The following CCDC7 variants were observed in gnomAD, a reference collection of about 807,000 sequenced individuals.
CCDC7 encodes the protein coiled-coil domain containing 7.
CCDC7 carries 183 observed loss-of-function variants against 196.9 expected under a neutral mutation model. The observed-to-expected ratio is 0.93, with a 90% CI of 0.82 to 1.05. The LOEUF (loss-of-function observed/expected upper bound fraction) is 1.05, where lower values mean the gene tolerates loss of function less well. Ranked by LOEUF, CCDC7 falls within the 50% of genes least tolerant of loss-of-function variation. The probability of loss-of-function intolerance (pLI) is 0.00; values close to 1 mark genes in which losing one functional copy is unlikely to be tolerated. For missense variants in CCDC7, 1,540 were observed against 1,482.2 expected (o/e 1.04, Z -0.64); for synonymous variants, 525 against 484.6 (o/e 1.08, Z -1.10).
chr10:32,553,689 C>G (rs1005915715), intron 13 of CCDC7, among the ~76,000 whole-genome samples: 1 of 152,172 alleles, frequency 6.6e-6, no homozygotes, highest in South Asian at 2.1e-4. Context: ...TGTCTCTCTT[C>G]TGGGTCTAGC....
At position 32,710,311 on chromosome 10, in the gene CCDC7, C is replaced by A. The variant is rs566852648; in HGVS notation, c.2459-1309C>A. 4.6e-5 allele frequency among the ~76,000 whole-genome samples: 7 copies of A among 152,300 alleles called. No homozygotes were observed. The South Asian group carries it at 1.5e-3, about 32-fold the overall frequency. ...CATGAGTCTCAATCCCTTGCTGGGT[C>A]ATAAGCTGTCTGTCATTGCCTGGTA... On this transcript the variant is annotated intron_variant, in intron 24 of 41. Coordinates refer to ENST00000639629, the Ensembl canonical transcript of CCDC7.
chr10:32,635,000 A>C, intron 19 of CCDC7, 57 bp from the exon 21 acceptor site: 3 of 397,664 alleles, frequency 7.5e-6, no homozygotes, highest in Non-Finnish European at 1.3e-5. Context: ...GAGAGGAAGT[A>C]TTGCTGATTA....
chr10:32,456,423 T>A, intron 3 of CCDC7, 89 bp downstream of exon 4: 1 of 1,030,336 alleles, frequency 9.7e-7, no homozygotes, highest in Non-Finnish European at 1.3e-6. Flanking sequence ...CAGCCAACAT[T>A]AATCTAGATT....
chr10:32,647,023 A>C (rs2140056729), intron 20 of CCDC7, among the ~76,000 whole-genome samples: 1 of 152,332 alleles, frequency 6.6e-6, no homozygotes, highest in Middle Eastern at 3.4e-3. Flanking sequence ...TGCTATTGTG[A>C]ATAGTACAGT....
intron 18 of CCDC7, chr10:32,623,570 T>C (rs1350945836): frequency 1.8e-5 from 6 of 341,220 alleles, no homozygotes; most frequent in Non-Finnish European, 3.5e-5. Context: ...TTCTACAACC[T>C]GCTTCTCCCT....
chr10:32,446,169 G>T (rs756431488), exon 1 of CCDC7: 3 of 152,156 alleles, frequency 2.0e-5, no homozygotes, highest in Non-Finnish European at 4.4e-5. Flanking sequence ...GGCGGCGGGT[G>T]CCCGGCGGTC....
intron 13 of CCDC7, among the ~76,000 whole-genome samples, chr10:32,562,890 T>C (rs2056011461): frequency 6.6e-6 from 1 of 152,272 alleles, no homozygotes; most frequent in African/African-American, 2.4e-5. Context: ...GATTGTCATC[T>C]GGGCTAGAAA....
intron 41 of CCDC7, among the ~76,000 whole-genome samples, chr10:32,863,526 A>G (rs908372173): frequency 6.6e-6 from 1 of 151,872 alleles, no homozygotes; most frequent in Non-Finnish European, 1.5e-5. Flanking sequence ...CTATTTTTTT[A>G]ATTTTTTGTA....
intron 18 of CCDC7, among the ~76,000 whole-genome samples, chr10:32,597,391 C>G (rs1176396342): frequency 6.6e-6 from 1 of 152,180 alleles, no homozygotes; most frequent in Non-Finnish European, 1.5e-5. Context: ...AAGGACTTCT[C>G]TACACTGTTT....
chr10:32,661,144 A>T (rs1470009523), intron 20 of CCDC7, among the ~76,000 whole-genome samples: 2 of 151,674 alleles, frequency 1.3e-5, no homozygotes, highest in African/African-American at 4.8e-5. Context: ...AAACAACCCC[A>T]TCAAAAAGTG....
At chr10:32,741,111 T>C (rs2085764907) in intron 28 of CCDC7, among the ~76,000 whole-genome samples, 3 of 152,124 alleles carry the variant, frequency 2.0e-5, no homozygotes, top group African/African-American at 7.2e-5. Context: ...ATGAGAGAGA[T>C]ACTGCTTAAT....
intron 32 of CCDC7, among the ~76,000 whole-genome samples, chr10:32,833,608 A>C (rs1038624208): frequency 1.2e-4 from 18 of 152,168 alleles, no homozygotes; most frequent in Non-Finnish European, 4.4e-5. Flanking sequence ...AAATAACTAA[A>C]GAGGTTAAAA....
intron 20 of CCDC7, 42 bp from the exon 22 acceptor site, chr10:32,664,012 T>C (rs1361590555): frequency 5.1e-6 from 2 of 393,518 alleles, no homozygotes; most frequent in Non-Finnish European, 9.0e-6. Context: ...GAAATTTCAC[T>C]ATAGTTTATG....
In CCDC7 at chr10:32,767,203, A is replaced by C. The variant is rs147470817; in HGVS notation, c.2906-11774A>C. ...ATTGGTGATCAAGTGTCAACATGAG[A>C]TTTGGAGGGGACACATATGCACACC... is the stretch of plus-strand genomic sequence containing the variant. On this transcript the variant is annotated intron_variant, in intron 28 of 41. Transcript: ENST00000639629. 5.9e-5 allele frequency among the ~76,000 whole-genome samples: 9 copies of C among 152,140 alleles called. No homozygotes were observed. The East Asian group carries it at 1.7e-3, about 29-fold the overall frequency.
chr10:32,699,516 G>A (rs1409293777), intron 24 of CCDC7, among the ~76,000 whole-genome samples: 1 of 148,976 alleles, frequency 6.7e-6, no homozygotes, highest in South Asian at 2.1e-4. Flanking sequence ...ATAAACATAC[G>A]TGTGCATGTG....
chr10:32,477,684 A>G (rs73251536), intron 8 of CCDC7, among the ~76,000 whole-genome samples: 7,861 of 150,596 alleles, frequency 0.052, 670 homozygotes, highest in African/African-American at 0.18. Context: ...CTGTTTTTGG[A>G]CTCTTTATTC....
intron 18 of CCDC7, among the ~76,000 whole-genome samples, chr10:32,587,400 G>A (rs555313531): frequency 9.8e-5 from 15 of 152,306 alleles, no homozygotes; most frequent in Non-Finnish European, 1.9e-4. Context: ...GCATGAGAGA[G>A]CAACAGAGAG....
Position 32,702,005 on chromosome 10 carries a change from G to A in CCDC7, c.2458+7013G>A, listed in dbSNP as rs1291432844. Reference sequence around the variant, plus strand: ...TCATTGATTTTTTTGAGGGTTTTTTGTGTCTCTATTTCCTTCAGTTTTGCT... The same window carrying A: ...TCATTGATTTTTTTGAGGGTTTTTTATGTCTCTATTTCCTTCAGTTTTGCT... On this transcript the variant is annotated intron_variant, in intron 24 of 41. Coordinates refer to ENST00000639629, the Ensembl canonical transcript of CCDC7. 2.6e-5 allele frequency among the ~76,000 whole-genome samples: 4 copies of A among 152,088 alleles called. No individual in the cohort carries two copies. The South Asian group carries it at 6.2e-4, about 24-fold the overall frequency.
chr10:32,850,774 AACACACAC>A (rs59662474), intron 39 of CCDC7, among the ~76,000 whole-genome samples: 8,399 of 146,712 alleles, frequency 0.057, 419 homozygotes, highest in Admixed American at 0.17. Context: ...TGTCTCTGAC[AACACACAC>A]ACACACACAC....
Sources: allele counts gnomAD v4.1 joint callset (sites outside exome capture counted in the v4.1 genomes callset), GRCh38; gene constraint gnomAD v4.1.1; transcripts MANE v1.5; gene names NCBI Gene and HGNC (gene_info 2026-07-23, HGNC 2026-07-21).